RGS21: variants seen among roughly 807,000 people sequenced by gnomAD.
The protein encoded by RGS21 is regulator of G-protein signalling 21.
In RGS21, 19 loss-of-function variants were observed where a neutral mutation model predicts 18.7. That is an observed-to-expected ratio of 1.01 (90% CI 0.71 to 1.49). The LOEUF (loss-of-function observed/expected upper bound fraction) is 1.49. Ranked by LOEUF, RGS21 falls within the 40% of genes most tolerant of loss-of-function variation. RGS21 has a pLI of 0.00. For missense variants in RGS21, 194 were observed against 176.8 expected (o/e 1.10, Z -0.55); for synonymous variants, 56 against 57.8 (o/e 0.97, Z 0.14).
Position 192,322,764 on chromosome 1 carries a change from T to TAG in RGS21, c.-61+5659_-61+5660insAG, listed in dbSNP as rs1381732250. Among the ~76,000 whole-genome samples, 10 of 152,198 alleles carry TAG rather than the reference T, an allele frequency of 6.6e-5. No homozygotes were observed. In the East Asian group the frequency reaches 9.7e-4, roughly 15 times the overall value. The stretch of plus-strand genomic sequence containing the variant: ...TTCTAAAAGGGTGTCTTAAACTGTC[T>TAG]TAAACTAAGATTCTAATAACTGCAA... On this transcript the variant is annotated intron_variant, in intron 1 of 4. Transcript: ENST00000417209.
At chr1:192,320,797 A>G (rs1002477312) in intron 1 of RGS21, among the ~76,000 whole-genome samples, 1 of 152,068 alleles carries the variant, frequency 6.6e-6, no homozygotes, top group African/African-American at 2.4e-5. Context: ...CTAACTGACT[A>G]AAAATATTTT....
intron 4 of RGS21, among the ~76,000 whole-genome samples, chr1:192,352,819 C>T (rs929644757): frequency 1.3e-5 from 2 of 151,922 alleles, no homozygotes; most frequent in African/African-American, 2.4e-5. Flanking sequence ...GCGCTCCAAA[C>T]GTGTTTTATA....
rs534373859 is a variant in RGS21 at position 192,321,909 on chromosome 1, C to T, written c.-61+4804C>T. Among the ~76,000 whole-genome samples the T allele has an allele frequency of 3.9e-5, 6 of 152,192 alleles. No homozygotes were observed. In the East Asian group the frequency reaches 9.6e-4, roughly 24 times the overall value. ...AAAAACAGCTAAAAACACAAACACA[C>T]ACCCACAATTTTCCCCAACACACAC... On this transcript the variant is annotated intron_variant, in intron 1 of 4. Transcript: ENST00000417209.
intron 1 of RGS21, among the ~76,000 whole-genome samples, chr1:192,342,630 C>T (rs1182758760): frequency 2.0e-5 from 3 of 151,384 alleles, no homozygotes; most frequent in Non-Finnish European, 4.4e-5. Context: ...AGATTAAAGA[C>T]TTAAAGGTGA....
rs570837974 is a variant in RGS21 at position 192,336,410 on chromosome 1, G to C, written c.-60-6567G>C. Among the ~76,000 whole-genome samples, 24 of 152,210 alleles carry C rather than the reference G, an allele frequency of 1.6e-4. No individual in the cohort carries two copies. The South Asian group carries it at 3.7e-3, about 24-fold the overall frequency. On this transcript the variant is annotated intron_variant, in intron 1 of 4. Coordinates refer to ENST00000417209, the MANE Select transcript of RGS21 (RefSeq NM_001039152.3). The stretch of plus-strand genomic sequence containing the variant: ...GCGCAGGTTGCAGTGAGCTGAGATC[G>C]TGCTATTGCACTCAGCATGGGCAAC...
chr1:192,334,771 G>GA (rs1658740298), intron 1 of RGS21, among the ~76,000 whole-genome samples: 2 of 152,106 alleles, frequency 1.3e-5, no homozygotes. Flanking sequence ...TGAAGCATGT[G>GA]AAATCATTTG....
chr1:192,347,258 G>A (rs1250619464), intron 2 of RGS21, 55 bp from the exon 3 acceptor site: 42 of 1,052,840 alleles, frequency 4.0e-5, no homozygotes, highest in East Asian at 3.1e-4. Context: ...CATGTAACTC[G>A]AATATTACTA....
At chr1:192,321,006 T>A (rs540875489) in intron 1 of RGS21, among the ~76,000 whole-genome samples, 30 of 152,148 alleles carry the variant, frequency 2.0e-4, no homozygotes, top group Non-Finnish European at 7.4e-5. Context: ...TTACCATGAC[T>A]CTATATTTTT....
intron 2 of RGS21, among the ~76,000 whole-genome samples, chr1:192,346,642 A>T (rs1003977737): frequency 1.3e-5 from 2 of 152,102 alleles, no homozygotes; most frequent in East Asian, 1.9e-4. Context: ...TCACATCCCC[A>T]AAAGTAACCT....
intron 3 of RGS21, 34 bp from the exon 4 acceptor site, chr1:192,352,013 T>C (rs1659049205): frequency 7.4e-7 from 1 of 1,357,416 alleles, no homozygotes; most frequent in Non-Finnish European, 1.0e-6. Context: ...CTCTGTATGC[T>C]ATTATACAAA....
chr1:192,319,384 T>C (rs1046373156), intron 1 of RGS21, among the ~76,000 whole-genome samples: 26 of 152,182 alleles, frequency 1.7e-4, no homozygotes, highest in Non-Finnish European at 3.5e-4. Flanking sequence ...TGTACATATA[T>C]ATAATTTTCT....
intron 4 of RGS21, among the ~76,000 whole-genome samples, chr1:192,356,379 G>A (rs991280107): frequency 2.0e-5 from 3 of 151,738 alleles, no homozygotes; most frequent in Non-Finnish European, 4.4e-5. Context: ...GTGTTAGGCA[G>A]CTCTCCATAA....
chr1:192,340,531 G>C (rs1470824491), intron 1 of RGS21, among the ~76,000 whole-genome samples: 1 of 152,006 alleles, frequency 6.6e-6, no homozygotes, highest in African/African-American at 2.4e-5. Flanking sequence ...TTTAAAGAGA[G>C]GAGTTCCCTA....
At chr1:192,317,341 T>C (rs1658434740) in intron 1 of RGS21, among the ~76,000 whole-genome samples, 2 of 151,804 alleles carry the variant, frequency 1.3e-5, no homozygotes, top group Middle Eastern at 3.4e-3. Flanking sequence ...CTGCTTCAAA[T>C]TTGTAAAAAA....
chr1:192,339,830 T>C (rs1658830643), intron 1 of RGS21, among the ~76,000 whole-genome samples: 1 of 152,148 alleles, frequency 6.6e-6, no homozygotes, highest in Admixed American at 6.6e-5. Flanking sequence ...TAAAGTGGTT[T>C]ATGAGTATAA....
chr1:192,319,480 T>C (rs1658465705), intron 1 of RGS21, among the ~76,000 whole-genome samples: 1 of 152,154 alleles, frequency 6.6e-6, no homozygotes, highest in South Asian at 2.1e-4. Context: ...TGCTCTTTGC[T>C]AAGGCTATGT....
intron 3 of RGS21, among the ~76,000 whole-genome samples, 185 bp downstream of exon 3, chr1:192,347,574 GTT>G (rs10573297): frequency 0.32 from 48,497 of 151,682 alleles, 9,081 homozygotes; most frequent in African/African-American, 0.52. Flanking sequence ...AAGTTTATAG[GTT>G]AACTCTGTAC....
Position 192,347,166 on chromosome 1 carries a change from G to A in RGS21, c.12-147G>A. On this transcript the variant is annotated intron_variant, in intron 2 of 4. Coordinates refer to ENST00000417209, the MANE Select transcript of RGS21 (RefSeq NM_001039152.3). ...CTTTATGTCACTATAGCTAACTACT[G>A]TAAATAGCATTGTATAATTTTTTGA... is the stretch of plus-strand genomic sequence containing the variant. 5.5e-6 allele frequency: 3 copies of A among 549,176 alleles called. No individual in the cohort carries two copies. In the Admixed American group the frequency reaches 8.5e-5, roughly 16 times the overall value. 34.0% of individuals were successfully genotyped at this position (549,176 alleles called of 1,614,324 possible).
chr1:192,347,249 A>T (rs947997899), intron 2 of RGS21, 64 bp from the exon 3 acceptor site: 7 of 972,288 alleles, frequency 7.2e-6, no homozygotes, highest in African/African-American at 6.4e-5. Context: ...CTCAAAATAC[A>T]TGTAACTCGA....
Sources: allele counts gnomAD v4.1 joint callset (sites outside exome capture counted in the v4.1 genomes callset), GRCh38; gene constraint gnomAD v4.1.1; transcripts MANE v1.5; gene names NCBI Gene and HGNC (gene_info 2026-07-23, HGNC 2026-07-21).